The following RXFP2 variants were observed in gnomAD, a reference collection of about 807,000 sequenced individuals.
RXFP2 encodes relaxin receptor 2.
RXFP2 carries 68 observed loss-of-function variants against 88.6 expected under a neutral mutation model. The ratio of observed to expected loss-of-function variants is 0.77; its 90% CI spans 0.63 to 0.94. The LOEUF is 0.94. RXFP2 is among the 40% of genes least tolerant of loss of function. The probability of loss-of-function intolerance (pLI) is 0.00; values close to 1 mark genes in which losing one functional copy is unlikely to be tolerated. For missense variants in RXFP2, 791 were observed against 893.9 expected (o/e 0.88, Z 1.47); for synonymous variants, 329 against 306.8 (o/e 1.07, Z -0.76).
chr13:31,782,575 G>A, intron 10 of RXFP2, 101 bp from the exon 11 acceptor site: 3 of 868,258 alleles, frequency 3.5e-6, no homozygotes, highest in Non-Finnish European at 5.9e-6. Flanking sequence ...GACTTCAAAG[G>A]AGGCTTATAA....
chr13:31,799,904 C>T (rs1428775418), intron 17 of RXFP2, among the ~76,000 whole-genome samples: 1 of 152,172 alleles, frequency 6.6e-6, no homozygotes, highest in Non-Finnish European at 1.5e-5. Flanking sequence ...CAGCAGAACT[C>T]ATCATCCTCA....
intron 16 of RXFP2, among the ~76,000 whole-genome samples, chr13:31,794,639 G>A (rs888064703): frequency 1.3e-5 from 2 of 152,088 alleles, no homozygotes; most frequent in Non-Finnish European, 2.9e-5. Context: ...AACAGGGAAG[G>A]CTTCCCAAAA....
chr13:31,763,343 C>A (rs1013171040), intron 3 of RXFP2, among the ~76,000 whole-genome samples: 3 of 152,190 alleles, frequency 2.0e-5, no homozygotes, highest in East Asian at 1.9e-4. Context: ...TCTCAGCCCC[C>A]CAAAGTGTTG....
Position 31,792,692 on chromosome 13 carries a change from A to T in RXFP2, c.1390A>T (p.Met464Leu). ...IKILCCADCL[M>L]GVYLFFVGIF... ...TTCTTCCACAGGTGCTGATTGCCTG[A>T]TGGGTGTTTACTTGTTCTTTGTTGG... Residue 464 changes from methionine (M) to leucine (L), a missense_variant, in exon 16 of 18, where the codon ATG becomes TTG. Transcript: ENST00000298386. 6.2e-7 allele frequency: 1 copy of T among 1,614,150 alleles called. No individual in the cohort carries two copies. The highest frequency in any genetic ancestry group is 8.5e-7 in the Non-Finnish European group (1 of 1,180,008).
chr13:31,753,955 T>A (rs935823426), intron 1 of RXFP2, among the ~76,000 whole-genome samples: 2 of 152,202 alleles, frequency 1.3e-5, no homozygotes, highest in Non-Finnish European at 2.9e-5. Context: ...TTATTCTCCT[T>A]ATACATAAAA....
intron 1 of RXFP2, among the ~76,000 whole-genome samples, chr13:31,746,116 A>G (rs1376356293): frequency 2.6e-5 from 4 of 152,224 alleles, no homozygotes; most frequent in Non-Finnish European, 5.9e-5. Context: ...TGTCAGAGAC[A>G]TAGATTCCAG....
Position 31,766,047 on chromosome 13 carries a change from A to G in RXFP2, c.497+20A>G. ...AAAGATGTAAGTAGCCGTTAATAGCATATTTATTTAAAAAAAATCCTCGTG... is the reference window on the plus strand; with the variant it reads ...AAAGATGTAAGTAGCCGTTAATAGCGTATTTATTTAAAAAAAATCCTCGTG... On this transcript the variant is annotated intron_variant, in intron 5 of 17. Transcript: ENST00000298386. 8.7e-7 allele frequency: 1 copy of G among 1,143,738 alleles called. No homozygotes were observed. Among genetic ancestry groups the G allele is most frequent in the Non-Finnish European group, 1.2e-6 (1 of 800,762 alleles). 70.8% of individuals were successfully genotyped at this position (1,143,738 alleles called of 1,614,324 possible).
Position 31,786,468 on chromosome 13 carries a change from C to T in RXFP2, c.1001+14C>T, listed in dbSNP as rs763577790. ...TCTACAAAAGCTGTAAGTTCTACTT[C>T]TCACCATAATCAGATTTAAAGGGCA... On this transcript the variant is annotated intron_variant, in intron 12 of 17. Coordinates refer to ENST00000298386, the MANE Select transcript of RXFP2 (RefSeq NM_130806.5). 4.4e-6 allele frequency: 7 copies of T among 1,587,774 alleles called. No individual in the cohort carries two copies. In the South Asian group the frequency reaches 7.7e-5, roughly 18 times the overall value.
chr13:31,779,602 C>T (rs924241128), intron 9 of RXFP2, among the ~76,000 whole-genome samples: 3 of 152,132 alleles, frequency 2.0e-5, no homozygotes, highest in African/African-American at 4.8e-5. Flanking sequence ...CATTACCCAC[C>T]ATTCCCTGCC....
chr13:31,779,437 AT>A (rs991862348), intron 9 of RXFP2, among the ~76,000 whole-genome samples: 9 of 152,240 alleles, frequency 5.9e-5, no homozygotes, highest in Admixed American at 5.9e-4. Context: ...CTATAGTATG[AT>A]TTCCTACCCC....
At chr13:31,763,233 C>T (rs892354309) in intron 3 of RXFP2, among the ~76,000 whole-genome samples, 4 of 152,118 alleles carry the variant, frequency 2.6e-5, no homozygotes, top group Admixed American at 6.5e-5. Flanking sequence ...CACAGACATG[C>T]ACCACCATGC....
At chr13:31,799,082 C>T (rs1874199555) in intron 17 of RXFP2, among the ~76,000 whole-genome samples, 2 of 152,084 alleles carry the variant, frequency 1.3e-5, no homozygotes, top group Non-Finnish European at 2.9e-5. Context: ...TTCTTCTGTG[C>T]ATTTTCCACA....
chr13:31,759,419 A>AAGAAAGAAAGAAAGAAAGAAAGAG (rs1872177736), intron 2 of RXFP2, among the ~76,000 whole-genome samples: 2 of 150,672 alleles, frequency 1.3e-5, no homozygotes, highest in African/African-American at 4.9e-5. Flanking sequence ...GAAAGAAAGA[A>AAGAAAGAAAGAAAGAAAGAAAGAG]AGAAAGAAAG....
At chr13:31,759,228 A>T (rs1055489566) in intron 2 of RXFP2, among the ~76,000 whole-genome samples, 13 of 151,564 alleles carry the variant, frequency 8.6e-5, no homozygotes, top group Non-Finnish European at 1.3e-4. Context: ...AACTAAGATG[A>T]TGATAAACCT....
At chr13:31,777,006 T>C (rs1307204813) in intron 7 of RXFP2, among the ~76,000 whole-genome samples, 1 of 152,188 alleles carries the variant, frequency 6.6e-6, no homozygotes, top group African/African-American at 2.4e-5. Flanking sequence ...CTTTAATTCA[T>C]CCTTCAGCTC....
chr13:31,781,402 G>A (rs1446237488), intron 9 of RXFP2, among the ~76,000 whole-genome samples: 1 of 152,152 alleles, frequency 6.6e-6, no homozygotes, highest in Non-Finnish European at 1.5e-5. Flanking sequence ...TTTATGATGG[G>A]TTGGGCAATA....
intron 11 of RXFP2, among the ~76,000 whole-genome samples, chr13:31,786,157 G>A (rs1014953494): frequency 6.6e-6 from 1 of 152,180 alleles, no homozygotes; most frequent in African/African-American, 2.4e-5. Flanking sequence ...GAGGGTAAGA[G>A]GAAATTCCAG....
rs1449703699 is a variant in RXFP2 at position 31,802,767 on chromosome 13, A to G, written c.*362A>G. On this transcript the variant is annotated 3_prime_UTR_variant, in exon 18 of 18. Transcript: ENST00000298386. The stretch of plus-strand genomic sequence containing the variant: ...GTTGCACTGTCCATGAAATAGAAAC[A>G]CTCACAACATCTGATTCCAGTGTGG... 4.6e-6 allele frequency: 1 copy of G among 218,832 alleles called. No individual in the cohort carries two copies. The highest frequency in any genetic ancestry group is 9.2e-6 in the Non-Finnish European group (1 of 108,292). The allele number at this position is 218,832 out of a possible 1,614,324, so 13.6% of individuals were successfully genotyped here.
chr13:31,774,185 CCT>C (rs1872838411), intron 5 of RXFP2, among the ~76,000 whole-genome samples: 1 of 152,166 alleles, frequency 6.6e-6, no homozygotes, highest in Non-Finnish European at 1.5e-5. Context: ...TAAAGCTTGC[CCT>C]CTCCTTTATT....
Sources: gnomAD v4.1 joint callset for allele counts (sites outside exome capture counted in the v4.1 genomes callset) on GRCh38, gnomAD v4.1.1 for gene constraint, MANE v1.5 for transcripts, NCBI Gene and HGNC (gene_info 2026-07-23, HGNC 2026-07-21) for gene names.